The following FSTL5 variants were observed in gnomAD, a reference collection of about 807,000 sequenced individuals.
The protein encoded by FSTL5 is follistatin like 5, also known as follistatin-related protein 5.
Under a neutral mutation model 89.1 loss-of-function variants are expected in FSTL5, and 62 were observed. That is an observed-to-expected ratio of 0.70 (90% confidence interval 0.57 to 0.86). The LOEUF is 0.86. FSTL5 is among the 40% of genes least tolerant of loss of function. The pLI is 0.00. For missense variants in FSTL5, 1,057 were observed against 1,001.6 expected, an observed-to-expected ratio of 1.06 and a Z score of -0.75; for synonymous variants, 383 against 346.2, an observed-to-expected ratio of 1.11 and a Z score of -1.18.
chr4:161,565,595 T>C (rs2126577429), intron 8 of FSTL5, among the ~76,000 whole-genome samples: 1 of 152,006 alleles, frequency 6.6e-6, no homozygotes, highest in South Asian at 2.1e-4. Flanking sequence ...AAAAGCTTGC[T>C]GTTTGCCCGC....
chr4:161,419,086 T>A (rs1731890602), intron 15 of FSTL5, among the ~76,000 whole-genome samples: 1 of 152,168 alleles, frequency 6.6e-6, no homozygotes, highest in South Asian at 2.1e-4. Flanking sequence ...TTCAATCTAT[T>A]TCATGTAGAG....
chr4:161,427,595 G>A (rs1350845986), intron 15 of FSTL5, among the ~76,000 whole-genome samples: 2 of 152,178 alleles, frequency 1.3e-5, no homozygotes, highest in East Asian at 3.9e-4. Flanking sequence ...ACAAATTCCT[G>A]AGAATTATTC....
intron 10 of FSTL5, among the ~76,000 whole-genome samples, chr4:161,524,172 C>T (rs1460727511): frequency 1.3e-5 from 2 of 152,138 alleles, no homozygotes; most frequent in Admixed American, 6.5e-5. Context: ...TCTCTACAAC[C>T]TCTTATCACC....
intron 2 of FSTL5, among the ~76,000 whole-genome samples, chr4:162,034,234 T>A (rs923380377): frequency 1.3e-5 from 2 of 152,274 alleles, no homozygotes; most frequent in South Asian, 2.1e-4. Context: ...TAATCATGCC[T>A]CTCAAATGCC....
At chr4:162,081,070 A>G (rs1295911570) in intron 2 of FSTL5, among the ~76,000 whole-genome samples, 1 of 151,720 alleles carries the variant, frequency 6.6e-6, no homozygotes, top group African/African-American at 2.4e-5. Flanking sequence ...AGTTTATTTT[A>G]GGGCATATTT....
intron 3 of FSTL5, among the ~76,000 whole-genome samples, chr4:161,941,193 T>A (rs1191421131): frequency 2.0e-5 from 3 of 151,710 alleles, no homozygotes; most frequent in Non-Finnish European, 4.4e-5. Context: ...ATGAAAACAG[T>A]ATACTATAAA....
At chr4:162,155,640 G>C (rs1347103778) in intron 1 of FSTL5, among the ~76,000 whole-genome samples, 1 of 152,194 alleles carries the variant, frequency 6.6e-6, no homozygotes, top group Non-Finnish European at 1.5e-5. Context: ...CAACAACTCT[G>C]AAAATCACAT....
At chr4:162,112,336 CACCATAAATG>C (rs1364179836) in intron 1 of FSTL5, among the ~76,000 whole-genome samples, 1 of 152,142 alleles carries the variant, frequency 6.6e-6, no homozygotes, top group African/African-American at 2.4e-5. Context: ...AGTGCAATGG[CACCATAAATG>C]ACCCTCCTGT....
At chr4:161,551,659 C>T (rs1732217879) in intron 8 of FSTL5, among the ~76,000 whole-genome samples, 1 of 151,900 alleles carries the variant, frequency 6.6e-6, no homozygotes, top group African/African-American at 2.4e-5. Flanking sequence ...TGGAACAGAA[C>T]AGAGCCCTCA....
At chr4:161,918,521 T>C (rs1244970453) in intron 4 of FSTL5, among the ~76,000 whole-genome samples, 1 of 152,210 alleles carries the variant, frequency 6.6e-6, no homozygotes, top group African/African-American at 2.4e-5. Flanking sequence ...ATTTACTTTA[T>C]AATAAAATCA....
At chr4:162,106,645 A>C (rs1469965778) in intron 2 of FSTL5, among the ~76,000 whole-genome samples, 2 of 152,164 alleles carry the variant, frequency 1.3e-5, no homozygotes, top group Non-Finnish European at 2.9e-5. Flanking sequence ...AAGAATAGAA[A>C]TGAAACAGGG....
chr4:161,468,120 G>A (rs1296878191), intron 13 of FSTL5, among the ~76,000 whole-genome samples: 2 of 151,840 alleles, frequency 1.3e-5, no homozygotes, highest in African/African-American at 2.4e-5. Context: ...TCTCATAATT[G>A]AAAACCCTTT....
At chr4:161,551,435 GT>G (rs1335568530) in intron 8 of FSTL5, among the ~76,000 whole-genome samples, 1 of 151,234 alleles carries the variant, frequency 6.6e-6, no homozygotes, top group Non-Finnish European at 1.5e-5. Flanking sequence ...GGGGTTGTTT[GT>G]TTTTTTCTTG....
Position 161,538,210 on chromosome 4 carries a change from T to C in FSTL5, c.1268A>G (p.Glu423Gly). The C allele has an allele frequency of 6.2e-7, 1 of 1,614,060 alleles. No homozygotes were observed. The change falls in exon 10 of 16, where the codon GAA becomes GGA. Residue 423 changes from glutamate (E) to glycine (G), a missense_variant. Coordinates refer to ENST00000306100, the MANE Select transcript of FSTL5 (RefSeq NM_020116.5). ...TTCCACAAAAAGAGAAGAGATGTCT[T>C]CATCCACTCCTGCTTCATTCTTTGC... ...CIAKNEAGVD[E>G]DISSLFVEDS...
At chr4:162,129,149 T>G (rs1399287353) in intron 1 of FSTL5, among the ~76,000 whole-genome samples, 1 of 152,206 alleles carries the variant, frequency 6.6e-6, no homozygotes, top group African/African-American at 2.4e-5. Flanking sequence ...ACCAGGCTGG[T>G]CTTGAACTCC....
intron 2 of FSTL5, among the ~76,000 whole-genome samples, chr4:162,039,711 A>T (rs978777715): frequency 1.3e-5 from 2 of 152,022 alleles, no homozygotes; most frequent in South Asian, 2.1e-4. Flanking sequence ...GAGAAAACTC[A>T]AATGTGTAGA....
chr4:161,652,846 T>C (rs998835465), intron 7 of FSTL5, among the ~76,000 whole-genome samples: 1 of 152,144 alleles, frequency 6.6e-6, no homozygotes, highest in Non-Finnish European at 1.5e-5. Context: ...CAAATTGTCA[T>C]TGCTTTCCTT....
In FSTL5 at chr4:161,889,663, GAATTA is replaced by G. The variant is rs553666338; in HGVS notation, c.409+30736_409+30740del. Among the ~76,000 whole-genome samples, 48 of 152,082 alleles carry G rather than the reference GAATTA, an allele frequency of 3.2e-4. No homozygotes were observed. The South Asian group carries it at 1.0e-2, about 32-fold the overall frequency. On this transcript the variant is annotated intron_variant, in intron 4 of 15. Transcript: ENST00000306100. ...TGTCGAATAAATAAATAAATAACACGAATTATTATAACTTTATTGGAAATGTAAGT... is the reference window on the plus strand; with the variant it reads ...TGTCGAATAAATAAATAAATAACACGTTATAACTTTATTGGAAATGTAAGT...
At chr4:161,795,540 A>C (rs1729607726) in intron 4 of FSTL5, among the ~76,000 whole-genome samples, 1 of 152,104 alleles carries the variant, frequency 6.6e-6, no homozygotes, top group African/African-American at 2.4e-5. Flanking sequence ...AATGTGTTCA[A>C]CATGATGTTT....
Sources: allele counts gnomAD v4.1 joint callset (sites outside exome capture counted in the v4.1 genomes callset), GRCh38; gene constraint gnomAD v4.1.1; transcripts MANE v1.5; gene names NCBI Gene and HGNC (gene_info 2026-07-23, HGNC 2026-07-21).